Variants in RETREG1 observed in about 807,000 individuals in gnomAD.
RETREG1 encodes family with sequence similarity 134 member B.
In RETREG1, 44 loss-of-function variants were observed where a neutral mutation model predicts 54.8. The observed-to-expected ratio is 0.80, with a 90% confidence interval of 0.63 to 1.03. The LOEUF (loss-of-function observed/expected upper bound fraction) is 1.03, where lower values mean the gene tolerates loss of function less well. Ranked by LOEUF, RETREG1 falls within the 50% of genes least tolerant of loss-of-function variation. The pLI is 0.00. For missense variants in RETREG1, 554 were observed against 605.1 expected (o/e 0.92, Z 0.89); for synonymous variants, 217 against 238.5 (o/e 0.91, Z 0.83).
intron 1 of RETREG1, chr5:16,615,912 G>C (rs1464214956): frequency 1.3e-5 from 2 of 152,240 alleles, no homozygotes; most frequent in African/African-American, 4.8e-5. Flanking sequence ...CGTGGTAACG[G>C]ATGACAGGAC....
chr5:16,570,121 A>C (rs1579693867), intron 2 of RETREG1, among the ~76,000 whole-genome samples: 1 of 152,352 alleles, frequency 6.6e-6, no homozygotes, highest in East Asian at 1.9e-4. Flanking sequence ...CATTTATTAC[A>C]ACAGCCACAG....
intron 2 of RETREG1, among the ~76,000 whole-genome samples, chr5:16,568,907 G>A (rs1467755305): frequency 6.6e-6 from 1 of 152,168 alleles, no homozygotes; most frequent in Admixed American, 6.5e-5. Context: ...GCGAGAAAAC[G>A]TGGGAAGCAG....
intron 2 of RETREG1, among the ~76,000 whole-genome samples, chr5:16,569,682 T>C (rs1464402351): frequency 3.3e-5 from 5 of 152,218 alleles, no homozygotes; most frequent in Non-Finnish European, 5.9e-5. Context: ...GGCTGACTCA[T>C]AGCTCACAAA....
intron 3 of RETREG1, among the ~76,000 whole-genome samples, chr5:16,517,373 A>T (rs1162723057): frequency 6.6e-6 from 1 of 152,198 alleles, no homozygotes; most frequent in African/African-American, 2.4e-5. Context: ...TAAGGCAGGG[A>T]TGTTCTTGTT....
At chr5:16,476,646 A>G (rs1738549848) in intron 8 of RETREG1, among the ~76,000 whole-genome samples, 1 of 152,118 alleles carries the variant, frequency 6.6e-6, no homozygotes, top group South Asian at 2.1e-4. Flanking sequence ...AAACTAACAC[A>G]GGAACAGAAA....
chr5:16,611,701 A>G (rs1743345871), intron 1 of RETREG1, among the ~76,000 whole-genome samples: 1 of 152,236 alleles, frequency 6.6e-6, no homozygotes, highest in African/African-American at 2.4e-5. Context: ...ATTGTGGTAC[A>G]TCATCAAAGT....
intron 3 of RETREG1, among the ~76,000 whole-genome samples, chr5:16,528,060 C>T (rs150568681): frequency 2.2e-4 from 34 of 152,064 alleles, no homozygotes; most frequent in African/African-American, 5.3e-4. Flanking sequence ...CCGCCTGCCT[C>T]GGCCTCCCAA....
chr5:16,563,814 T>C (rs1025658191), intron 3 of RETREG1, among the ~76,000 whole-genome samples: 10 of 152,208 alleles, frequency 6.6e-5, no homozygotes, highest in Non-Finnish European at 1.3e-4. Context: ...ATCTTTTTTT[T>C]CCATGTATTT....
At chr5:16,533,714 G>C (rs1465984453) in intron 3 of RETREG1, among the ~76,000 whole-genome samples, 1 of 152,106 alleles carries the variant, frequency 6.6e-6, no homozygotes, top group Non-Finnish European at 1.5e-5. Context: ...ATTCACAAAA[G>C]CATAGCCCAC....
At chr5:16,514,389 G>C (rs531530245) in intron 3 of RETREG1, among the ~76,000 whole-genome samples, 3 of 152,242 alleles carry the variant, frequency 2.0e-5, no homozygotes, top group African/African-American at 7.2e-5. Context: ...ACCACCTCAC[G>C]CCACCTGCGT....
intron 3 of RETREG1, among the ~76,000 whole-genome samples, chr5:16,484,339 A>G (rs2126522573): frequency 6.6e-6 from 1 of 152,318 alleles, no homozygotes; most frequent in Middle Eastern, 3.4e-3. Flanking sequence ...ACTCATAAAA[A>G]CATACCAGTT....
chr5:16,508,526 T>C (rs1298512827), intron 3 of RETREG1: 1 of 1,508,566 alleles, frequency 6.6e-7, no homozygotes, highest in Non-Finnish European at 9.2e-7. Flanking sequence ...AAAAGATAAC[T>C]AGCCAGTGAA....
intron 4 of RETREG1, among the ~76,000 whole-genome samples, chr5:16,481,552 G>A (rs898048175): frequency 6.6e-6 from 1 of 152,014 alleles, no homozygotes; most frequent in Non-Finnish European, 1.5e-5. Flanking sequence ...AGAAATTAGA[G>A]GTATCTACAC....
intron 3 of RETREG1, among the ~76,000 whole-genome samples, chr5:16,550,290 G>T (rs984159975): frequency 6.7e-6 from 1 of 148,796 alleles, no homozygotes; most frequent in African/African-American, 2.5e-5. Flanking sequence ...AAAAAAAAGC[G>T]TTAAAGGAAA....
chr5:16,611,869 A>G (rs1743350582), intron 1 of RETREG1, among the ~76,000 whole-genome samples: 1 of 152,134 alleles, frequency 6.6e-6, no homozygotes, highest in African/African-American at 2.4e-5. Flanking sequence ...GTTCGTGACC[A>G]GCCTGACCAA....
intron 3 of RETREG1, among the ~76,000 whole-genome samples, chr5:16,522,393 C>G (rs1561102942): frequency 6.6e-6 from 1 of 152,208 alleles, no homozygotes; most frequent in Non-Finnish European, 1.5e-5. Flanking sequence ...ATGGGGTTAT[C>G]TCCTTCAGGC....
Position 16,612,796 on chromosome 5 carries a change from A to ATGTG in RETREG1, c.320+3852_320+3855dup, listed in dbSNP as rs141326498. 1.1e-4 allele frequency among the ~76,000 whole-genome samples: 17 copies of ATGTG among 151,592 alleles called. No individual in the cohort carries two copies. The Middle Eastern group carries it at 0.014, about 122-fold the overall frequency. On this transcript the variant is annotated intron_variant, in intron 1 of 8. Transcript: ENST00000306320. ...AAATATACCATAGATAAGAATGCAT[A>ATGTG]TGTGTGTGTGTGTGCCTGCACGTCT...
intron 1 of RETREG1, among the ~76,000 whole-genome samples, chr5:16,604,731 T>C (rs947333398): frequency 1.3e-5 from 2 of 152,228 alleles, no homozygotes; most frequent in African/African-American, 4.8e-5. Flanking sequence ...CCTCACCCAA[T>C]GTGTTTTCAC....
Position 16,483,465 on chromosome 5 carries a change from C to A in RETREG1, c.466G>T (p.Val156Phe), listed in dbSNP as rs758377163. ...LWRSLSESWE[V>F]INSKPDERPR... Reference sequence around the variant, plus strand: ...CTTTCATCTGGTTTGGAATTGATAACTTCCCAGCTAAAGAGACAAAAAGAA... The same window carrying A: ...CTTTCATCTGGTTTGGAATTGATAAATTCCCAGCTAAAGAGACAAAAAGAA... Residue 156 changes from valine to phenylalanine, a missense_variant, in exon 4 of 9, where the codon GTT becomes TTT. Transcript: ENST00000306320. 3.5e-5 allele frequency: 56 copies of A among 1,612,966 alleles called. No individual in the cohort carries two copies. The highest frequency in any genetic ancestry group is 5.0e-5 in the Admixed American group (3 of 59,920).
Sources: gnomAD v4.1 joint callset for allele counts (sites outside exome capture counted in the v4.1 genomes callset) on GRCh38, gnomAD v4.1.1 for gene constraint, MANE v1.5 for transcripts, NCBI Gene and HGNC (gene_info 2026-07-23, HGNC 2026-07-21) for gene names.